Variants in TTC17 observed in about 807,000 individuals in gnomAD.
The protein encoded by TTC17 is tetratricopeptide repeat domain 17, also known as tetratricopeptide repeat protein 17.
TTC17 carries 58 observed loss-of-function variants against 143.8 expected under a neutral mutation model. The ratio of observed to expected loss-of-function variants is 0.40; its 90% confidence interval spans 0.33 to 0.50. TTC17 has a LOEUF of 0.50. TTC17 is among the 20% of genes least tolerant of loss of function. The pLI, the probability that TTC17 is intolerant of heterozygous loss-of-function variation, is 0.49. For synonymous variants in TTC17, 501 were observed against 497.8 expected, an observed-to-expected ratio of 1.01 and a Z score of -0.09; for missense variants, 1,273 against 1,392.5, an observed-to-expected ratio of 0.91 and a Z score of 1.37.
intron 17 of TTC17, 91 bp from the exon 18 acceptor site, chr11:43,443,965 A>G: frequency 7.1e-7 from 1 of 1,402,820 alleles, no homozygotes; most frequent in Admixed American, 2.4e-5. Context: ...ACCTGAGCAC[A>G]GTACTTGGTT....
intron 21 of TTC17, among the ~76,000 whole-genome samples, chr11:43,458,173 C>T (rs1227821282): frequency 6.6e-6 from 1 of 152,142 alleles, no homozygotes; most frequent in Non-Finnish European, 1.5e-5. Flanking sequence ...GCTGATCTCA[C>T]GTGAAGTCAC....
chr11:43,415,104 T>G lies in TTC17; in HGVS notation c.2251+328T>G, dbSNP rs73530608. Among the ~76,000 whole-genome samples the G allele has an allele frequency of 1.9e-3, 294 of 152,270 alleles. 1 individual carries two copies. The highest frequency in any genetic ancestry group is 6.8e-3 in the African/African-American group (283 of 41,564). ...AACTGACATTCCTAGTAAAGTACAT[T>G]TTTTCTGTCCATGAAGTCAAAGTAT... is the stretch of plus-strand genomic sequence containing the variant. On this transcript the variant is annotated intron_variant, in intron 16 of 23. Transcript: ENST00000039989.
At chr11:43,468,920 T>G (rs1948035390) in intron 21 of TTC17, among the ~76,000 whole-genome samples, 1 of 152,070 alleles carries the variant, frequency 6.6e-6, no homozygotes, top group African/African-American at 2.4e-5. Flanking sequence ...AAAATGTATC[T>G]TCAACAGACA....
At chr11:43,481,680 TATC>T (rs1244646948) in intron 21 of TTC17, among the ~76,000 whole-genome samples, 1 of 152,228 alleles carries the variant, frequency 6.6e-6, no homozygotes, top group African/African-American at 2.4e-5. Context: ...ATTATTTTCT[TATC>T]ATCCTTTTAC....
intron 15 of TTC17, among the ~76,000 whole-genome samples, chr11:43,410,334 C>G (rs2134606370): frequency 6.6e-6 from 1 of 152,144 alleles, no homozygotes; most frequent in East Asian, 1.9e-4. Context: ...CTTAAGTTTG[C>G]CAGTCTTTTC....
At chr11:43,446,105 A>G in intron 18 of TTC17, 1 of 1,446,048 alleles carries the variant, frequency 6.9e-7, no homozygotes, top group Non-Finnish European at 9.1e-7. Flanking sequence ...GGTGTACAAG[A>G]CCCTTTACAG....
In TTC17 at chr11:43,491,928, A is replaced by C. The variant is rs1253934871; in HGVS notation, c.3151-92A>C. On this transcript the variant is annotated intron_variant, in intron 22 of 23. Transcript: ENST00000039989. ...GGCACTGTTCTAATCATTCACCAGGAAACACAGACTGTATTCTTTATGATC... is the reference window on the plus strand; with the variant it reads ...GGCACTGTTCTAATCATTCACCAGGCAACACAGACTGTATTCTTTATGATC... The C allele has an allele frequency of 2.6e-6, 4 of 1,530,550 alleles. No individual in the cohort carries two copies. The East Asian group carries it at 6.8e-5, about 26-fold the overall frequency. The allele number at this position is 1,530,550 out of a possible 1,614,324, so 94.8% of individuals were successfully genotyped here.
rs750736854 is a variant in TTC17, at chr11:43,385,350, T to C, written c.250-4302T>C. 2.6e-5 allele frequency among the ~76,000 whole-genome samples: 4 copies of C among 152,210 alleles called. No individual in the cohort carries two copies. The East Asian group carries it at 7.7e-4, about 29-fold the overall frequency. On this transcript the variant is annotated intron_variant, in intron 2 of 23. Coordinates refer to ENST00000039989, the MANE Select transcript of TTC17 (RefSeq NM_018259.6). The stretch of plus-strand genomic sequence containing the variant: ...GGAAATAATTTACAAAGTTTTGTTA[T>C]CATGCATAACATGTTCTCTGATCAC...
Position 43,392,093 on chromosome 11 carries a change from A to G in TTC17, c.663+141A>G. The G allele has an allele frequency of 7.1e-6, 7 of 984,698 alleles. No homozygotes were observed. In the South Asian group the frequency reaches 1.3e-4, roughly 18 times the overall value. 61.0% of individuals were successfully genotyped at this position (984,698 alleles called of 1,614,324 possible). ...TTAAAATTACACTTACATTGATGCA[A>G]ATTGCATAGTTCAGTGCTGGGGAGA... On this transcript the variant is annotated intron_variant, in intron 5 of 23. Transcript: ENST00000039989.
chr11:43,401,364 T>C (rs1857845513), intron 9 of TTC17, 82 bp from the exon 10 acceptor site: 1 of 899,906 alleles, frequency 1.1e-6, no homozygotes, highest in Non-Finnish European at 1.8e-6. Flanking sequence ...ACAGGGTTGA[T>C]ACTAAATGAC....
intron 11 of TTC17, among the ~76,000 whole-genome samples, chr11:43,404,545 C>T (rs1306100916): frequency 1.3e-5 from 2 of 152,318 alleles, no homozygotes; most frequent in East Asian, 3.9e-4. Flanking sequence ...CCTTGCTCTT[C>T]TGGAGCCTAC....
chr11:43,391,448 C>T lies in TTC17; in HGVS notation c.420-17C>T, dbSNP rs906205133. On this transcript the variant is annotated splice_polypyrimidine_tract_variant and intron_variant, in intron 3 of 23. Transcript: ENST00000039989. ...TATCTCACCTTTTATTCATTCATTG[C>T]TTCTTTTTGATTTTAGTCCTGAAGA... The T allele has an allele frequency of 7.0e-7, 1 of 1,421,606 alleles. No homozygotes were observed. Among genetic ancestry groups the T allele is most frequent in the South Asian group, 1.2e-5 (1 of 83,480 alleles). The allele number at this position is 1,421,606 out of a possible 1,614,324, so 88.1% of individuals were successfully genotyped here. A position where few individuals can be genotyped will look rare whatever the true frequency, so the allele number is the denominator to read the frequency against.
chr11:43,438,352 T>C (rs961219897), intron 16 of TTC17, among the ~76,000 whole-genome samples: 2 of 152,106 alleles, frequency 1.3e-5, no homozygotes, highest in African/African-American at 4.8e-5. Context: ...GCAGATGGGG[T>C]TTCACTGTGT....
intron 21 of TTC17, among the ~76,000 whole-genome samples, chr11:43,476,703 G>T (rs1055009533): frequency 6.6e-6 from 1 of 152,182 alleles, no homozygotes; most frequent in African/African-American, 2.4e-5. Flanking sequence ...TAGGCTGCAC[G>T]CAGCACGGGG....
intron 2 of TTC17, among the ~76,000 whole-genome samples, chr11:43,380,507 G>T (rs901399761): frequency 6.6e-6 from 1 of 151,672 alleles, no homozygotes; most frequent in African/African-American, 2.4e-5. Context: ...TGCCCACCTC[G>T]GCCTCCCAAA....
chr11:43,416,275 A>G (rs577903816), intron 16 of TTC17, among the ~76,000 whole-genome samples: 2 of 152,208 alleles, frequency 1.3e-5, no homozygotes, highest in Non-Finnish European at 2.9e-5. Context: ...TACTTTTTCA[A>G]TGAGCTTTTT....
intron 7 of TTC17, 139 bp from the exon 8 acceptor site, chr11:43,397,834 TG>T: frequency 8.2e-7 from 1 of 1,219,678 alleles, no homozygotes. Context: ...AAGAGGTAGG[TG>T]TGATCTCATA....
intron 5 of TTC17, among the ~76,000 whole-genome samples, chr11:43,394,400 C>A (rs528247101): frequency 6.6e-6 from 1 of 152,132 alleles, no homozygotes; most frequent in Admixed American, 6.5e-5. Flanking sequence ...GAAGGGGCCA[C>A]AACTGGAAAT....
Position 43,447,991 on chromosome 11 carries a change from T to G in TTC17, c.2666-11T>G. 6.2e-7 allele frequency: 1 copy of G among 1,613,336 alleles called. No homozygotes were observed. The highest frequency in any genetic ancestry group is 8.5e-7 in the Non-Finnish European group (1 of 1,179,618). ...GCAATTGTGTGGATTCATGGCATAC[T>G]TTCCTTCCAGGAAAAAAACGTGACT... On this transcript the variant is annotated splice_polypyrimidine_tract_variant and intron_variant, in intron 18 of 23. Transcript: ENST00000039989.
Sources: gnomAD v4.1 joint callset for allele counts (sites outside exome capture counted in the v4.1 genomes callset) on GRCh38, gnomAD v4.1.1 for gene constraint, MANE v1.5 for transcripts, NCBI Gene and HGNC (gene_info 2026-07-23, HGNC 2026-07-21) for gene names.